ALDOA: variants seen among roughly 807,000 people sequenced by gnomAD.
ALDOA encodes the protein fructose-bisphosphate aldolase A.
A neutral mutation model predicts 43.9 loss-of-function variants in ALDOA; 26 were observed. That is an observed-to-expected ratio of 0.59 (90% CI 0.43 to 0.82). The LOEUF is 0.82. Among genes scored for constraint, ALDOA ranks in the 40% least tolerant of loss-of-function variants. The pLI, the probability that ALDOA is intolerant of heterozygous loss-of-function variation, is 0.00. For synonymous variants in ALDOA, 258 were observed against 222.6 expected, an observed-to-expected ratio of 1.16 and a Z score of -1.42; for missense variants, 498 against 549.5, an observed-to-expected ratio of 0.91 and a Z score of 0.94.
Position 30,070,312 on chromosome 16 carries a change from C to A in ALDOA, c.*100C>A. ...TCGGGGCTCCAGGCTGGCTTGCCCG[C>A]GCTCTTTCTTCCCTCGTGACAGTGG... On this transcript the variant is annotated 3_prime_UTR_variant, in exon 10 of 10. Transcript: ENST00000642816. 8.6e-7 allele frequency: 1 copy of A among 1,159,760 alleles called. No homozygotes were observed. Among genetic ancestry groups the A allele is most frequent in the Non-Finnish European group, 1.3e-6 (1 of 777,064 alleles). 71.8% of individuals were successfully genotyped at this position (1,159,760 alleles called of 1,614,324 possible).
chr16:30,068,569 CT>C, intron 4 of ALDOA, 76 bp from the exon 5 acceptor site: 1 of 1,518,464 alleles, frequency 6.6e-7, no homozygotes, highest in Admixed American at 1.7e-5. Flanking sequence ...CACCACTGTA[CT>C]CCAGCCGGGG....
intron 3 of ALDOA, 23 bp downstream of exon 3, chr16:30,067,389 G>A: frequency 6.2e-7 from 1 of 1,614,100 alleles, no homozygotes; most frequent in Non-Finnish European, 8.5e-7. Flanking sequence ...GACAGAATGG[G>A]TGGAGGGTGC....
rs765839179 is a variant in ALDOA at position 30,067,549 on chromosome 16, AC to A, written c.378del (p.Cys127AlafsTer37). ...QLLLTADDRVNPCIGGVILFH... is the reference protein window; with the variant it reads ...QLLLTADDRVXPCIGGVILFH... ...CTGCTGACAGCTGACGACCGCGTGA[AC>A]CCCTGCATTGGGGGTGTCATCCTCT... is the stretch of plus-strand genomic sequence containing the variant. On this transcript the variant is annotated frameshift_variant, in exon 4 of 10. Coordinates refer to ENST00000642816, the MANE Select transcript of ALDOA (RefSeq NM_001243177.4). LOFTEE classifies it high-confidence loss of function. 6.2e-7 allele frequency: 1 copy of A among 1,613,600 alleles called. No homozygotes were observed. The highest frequency in any genetic ancestry group is 1.1e-5 in the South Asian group (1 of 91,062).
rs1021549759 is a variant in ALDOA at position 30,065,832 on chromosome 16, C to T, written c.-109C>T. Reference sequence around the variant, plus strand: ...TCTCGGAACGCGCCGCAGAAGGGGTCCTGGTGACGAGTCCCGCGTTCTCTC... The same window carrying T: ...TCTCGGAACGCGCCGCAGAAGGGGTTCTGGTGACGAGTCCCGCGTTCTCTC... On this transcript the variant is annotated 5_prime_UTR_variant, in exon 1 of 10. Coordinates refer to ENST00000642816, the MANE Select transcript of ALDOA (RefSeq NM_001243177.4). 2 of 152,864 alleles carry T rather than the reference C, an allele frequency of 1.3e-5. No homozygotes were observed. Among genetic ancestry groups the T allele is most frequent in the African/African-American group, 4.8e-5 (2 of 41,446 alleles). The allele number at this position is 152,864 out of a possible 1,614,324, so 9.5% of individuals were successfully genotyped here.
chr16:30,070,390 C>A lies in ALDOA; in HGVS notation c.*178C>A. The stretch of plus-strand genomic sequence containing the variant: ...TCCATCACCCTTTCCGGCACACTGC[C>A]AAATAAACAGCTATTTAAGGGGGAG... On this transcript the variant is annotated 3_prime_UTR_variant, in exon 10 of 10. Transcript: ENST00000642816. 3.1e-6 allele frequency: 2 copies of A among 638,932 alleles called. No homozygotes were observed. Among genetic ancestry groups the A allele is most frequent in the Non-Finnish European group, 5.6e-6 (2 of 356,738 alleles). 39.6% of individuals were successfully genotyped at this position (638,932 alleles called of 1,614,324 possible). A position where few individuals can be genotyped will look rare whatever the true frequency, so the allele number is the denominator to read the frequency against.
intron 6 of ALDOA, 35 bp downstream of exon 6, chr16:30,069,013 C>T (rs762386905): frequency 6.2e-7 from 1 of 1,613,844 alleles, no homozygotes; most frequent in East Asian, 2.2e-5. Flanking sequence ...CAACCTCCTA[C>T]CTCATTTGGT....
chr16:30,068,561 C>A, intron 4 of ALDOA, 85 bp from the exon 5 acceptor site: 1 of 1,471,188 alleles, frequency 6.8e-7, no homozygotes, highest in Non-Finnish European at 9.5e-7. Flanking sequence ...TGAGATTCCA[C>A]CACTGTACTC....
rs926461811 is a variant in ALDOA at position 30,067,809 on chromosome 16, T to C, written c.486+148T>C. 3 of 858,132 alleles carry C rather than the reference T, an allele frequency of 3.5e-6. No individual in the cohort carries two copies. In the African/African-American group the frequency reaches 5.0e-5, roughly 14 times the overall value. 53.2% of individuals were successfully genotyped at this position (858,132 alleles called of 1,614,324 possible). A position where few individuals can be genotyped will look rare whatever the true frequency, so the allele number is the denominator to read the frequency against. On this transcript the variant is annotated intron_variant, in intron 4 of 9. Coordinates refer to ENST00000642816, the MANE Select transcript of ALDOA (RefSeq NM_001243177.4). ...GCTTAGGGCATTTACTCGACATTTT[T>C]AATCCTCACAATTCTGAGAGAACAG...
intron 7 of ALDOA, 41 bp downstream of exon 7, chr16:30,069,430 G>C: frequency 6.2e-7 from 1 of 1,613,838 alleles, no homozygotes; most frequent in South Asian, 1.1e-5. Context: ...GTGGCTGGCC[G>C]GGGACCCTGG....
intron 2 of ALDOA, 92 bp from the exon 3 acceptor site, chr16:30,067,142 T>G: frequency 6.3e-7 from 1 of 1,588,808 alleles, no homozygotes; most frequent in Non-Finnish European, 8.6e-7. Flanking sequence ...GTAGGGAACA[T>G]TTCCCTGACC....
intron 8 of ALDOA, 52 bp from the exon 9 acceptor site, chr16:30,069,778 A>C: frequency 1.2e-6 from 2 of 1,613,106 alleles, no homozygotes; most frequent in Non-Finnish European, 1.7e-6. Flanking sequence ...AGCTCCTGCC[A>C]GCTTCCTGGG....
At chr16:30,068,108 G>A (rs1257694369) in intron 4 of ALDOA, 8 of 237,436 alleles carry the variant, frequency 3.4e-5, no homozygotes, top group Non-Finnish European at 5.8e-5. Flanking sequence ...TGTCTCCCAG[G>A]CTGGAGTGCA....
chr16:30,069,657 GC>G lies in ALDOA; in HGVS notation c.951del (p.Ala318LeufsTer30). The G allele has an allele frequency of 1.9e-6, 3 of 1,613,566 alleles. No individual in the cohort carries two copies. The highest frequency in any genetic ancestry group is 1.7e-6 in the Non-Finnish European group (2 of 1,180,008). ...CCGTCACAGCGCTGCGCCGCACAGT[GC>G]CCCCCGCTGTCACTGGTGAGGCCCA... ...ATVTALRRTV[P>X]PAVTGITFLS... On this transcript the variant is annotated frameshift_variant, in exon 8 of 10. Coordinates refer to ENST00000642816, the MANE Select transcript of ALDOA (RefSeq NM_001243177.4). LOFTEE classifies it high-confidence loss of function.
intron 8 of ALDOA, 65 bp from the exon 9 acceptor site, chr16:30,069,765 A>G (rs1596815940): frequency 3.1e-6 from 5 of 1,612,180 alleles, no homozygotes; most frequent in South Asian, 1.1e-5. Flanking sequence ...GGCAACTTCC[A>G]CCAGCTCCTG....
At chr16:30,064,575 G>A, upstream of ALDOA, 1 of 398,544 alleles carries the variant, frequency 2.5e-6, no homozygotes, top group South Asian at 1.3e-4. Flanking sequence ...CCCCCATGCC[G>A]GGCCCCACGA....
Position 30,069,600 on chromosome 16 carries a change from G to C in ALDOA, c.888G>C (p.Gln296His). 6.2e-7 allele frequency: 1 copy of C among 1,614,114 alleles called. No individual in the cohort carries two copies. Among genetic ancestry groups the C allele is most frequent in the Non-Finnish European group, 8.5e-7 (1 of 1,180,034 alleles). ...TCACCCCAGGCCATGCTTGCACTCA[G>C]AAGTTTTCTCATGAGGAGATTGCCA... ...NMVTPGHACT[Q>H]KFSHEEIAMA... Residue 296 changes from glutamine (Q) to histidine (H), a missense_variant, in exon 8 of 10, where the codon CAG becomes CAC. Physicochemically the swap from Gln to His is conservative, Grantham distance 24. Coordinates refer to ENST00000642816, the MANE Select transcript of ALDOA (RefSeq NM_001243177.4).
At chr16:30,065,271 C>T (rs2072058809), upstream of ALDOA, among the ~76,000 whole-genome samples, 1 of 152,250 alleles carries the variant, frequency 6.6e-6, no homozygotes, top group Admixed American at 6.5e-5. Context: ...GCCGATTCAG[C>T]CCGCGGGCGA....
In ALDOA at chr16:30,067,592, C is replaced by T. The variant is rs1161412672; in HGVS notation, c.417C>T (p.Tyr139=). 5.0e-6 allele frequency: 8 copies of T among 1,614,078 alleles called. No individual in the cohort carries two copies. In the South Asian group the frequency reaches 5.5e-5, roughly 11 times the overall value. The part of the protein sequence containing the change: ...GGVILFHETL[Y]QKADDGRPFP... ...TCATCCTCTTCCATGAGACACTCTA[C>T]CAGAAGGCGGATGATGGGCGTCCCT... Residue 139 remains tyrosine, a synonymous_variant, in exon 4 of 10, where the codon TAC becomes TAT. Coordinates refer to ENST00000642816, the MANE Select transcript of ALDOA (RefSeq NM_001243177.4).
intron 4 of ALDOA, chr16:30,067,891 G>C (rs1345763300): frequency 3.4e-6 from 2 of 596,396 alleles, no homozygotes; most frequent in East Asian, 3.0e-5. Context: ...GAAGTGTTTT[G>C]CTCAGAGTAA....
Sources: allele counts gnomAD v4.1 joint callset (sites outside exome capture counted in the v4.1 genomes callset), GRCh38; gene constraint gnomAD v4.1.1; transcripts MANE v1.5; gene names NCBI Gene and HGNC (gene_info 2026-07-23, HGNC 2026-07-21).